The following ASPH variants were observed in gnomAD, a reference collection of about 807,000 sequenced individuals.
ASPH encodes the protein aspartyl/asparaginyl beta-hydroxylase.
ASPH carries 100 observed loss-of-function variants against 118.4 expected under a neutral mutation model. The observed-to-expected ratio is 0.84, with a 90% CI of 0.72 to 1.00. The LOEUF (loss-of-function observed/expected upper bound fraction) is 1.00, where lower values mean the gene tolerates loss of function less well. ASPH is among the 50% of genes least tolerant of loss of function. The pLI is 0.00. For missense variants in ASPH, 920 were observed against 919.5 expected, an observed-to-expected ratio of 1.00 and a Z score of -0.01; for synonymous variants, 315 against 325.6, an observed-to-expected ratio of 0.97 and a Z score of 0.35.
chr8:61,546,068 G>C (rs1257529041), intron 21 of ASPH, among the ~76,000 whole-genome samples: 4 of 152,202 alleles, frequency 2.6e-5, no homozygotes, highest in Non-Finnish European at 5.9e-5. Context: ...GGGTCTGCCA[G>C]GAGGTTTCCA....
At chr8:61,673,236 A>G (rs1823507088) in intron 3 of ASPH, among the ~76,000 whole-genome samples, 1 of 152,192 alleles carries the variant, frequency 6.6e-6, no homozygotes, top group African/African-American at 2.4e-5. Context: ...CAGGATCCCC[A>G]GGGCAGCAGG....
chr8:61,530,926 A>G (rs1451979725), intron 21 of ASPH, among the ~76,000 whole-genome samples: 1 of 152,228 alleles, frequency 6.6e-6, no homozygotes, highest in Non-Finnish European at 1.5e-5. Context: ...ATAGAAGGTT[A>G]ACAATTAAAC....
intron 24 of ASPH, among the ~76,000 whole-genome samples, chr8:61,509,890 G>T (rs185384568): frequency 6.6e-6 from 1 of 152,082 alleles, no homozygotes; most frequent in East Asian, 1.9e-4. Context: ...GCCCCTATCT[G>T]TACCATTCCT....
chr8:61,534,596 C>G (rs1818795725), intron 21 of ASPH, among the ~76,000 whole-genome samples: 1 of 152,206 alleles, frequency 6.6e-6, no homozygotes, highest in Non-Finnish European at 1.5e-5. Flanking sequence ...CCTTGCATCA[C>G]TTAGTTAGTA....
chr8:61,712,756 G>A (rs919722103), intron 1 of ASPH, among the ~76,000 whole-genome samples: 1 of 152,202 alleles, frequency 6.6e-6, no homozygotes, highest in African/African-American at 2.4e-5. Flanking sequence ...CCCAGTATTA[G>A]TTCTCACCAA....
In ASPH at chr8:61,682,514, A is replaced by G. The variant is rs771865073; in HGVS notation, c.254-1478T>C. 5 of 1,590,418 alleles carry G rather than the reference A, an allele frequency of 3.1e-6. No individual in the cohort carries two copies. The Admixed American group carries it at 8.4e-5, about 27-fold the overall frequency. ...TGCATGTAAAAACATGAAAACTGTT[A>G]TTTGTGCTTAAAGGTACAAATACTT... On this transcript the variant is annotated intron_variant, in intron 2 of 24. Transcript: ENST00000379454.
chr8:61,624,795 T>C, intron 13 of ASPH: 1 of 985,764 alleles, frequency 1.0e-6, no homozygotes, highest in South Asian at 4.7e-5. Flanking sequence ...CCTAAAAAAA[T>C]ATGGCTTTAT....
chr8:61,685,957 C>T (rs888435719), intron 1 of ASPH, among the ~76,000 whole-genome samples: 5 of 151,962 alleles, frequency 3.3e-5, no homozygotes, highest in Non-Finnish European at 5.9e-5. Context: ...TTAGTAGAGA[C>T]AGGGTTTCAC....
At position 61,646,738 on chromosome 8, in the gene ASPH, A is replaced by G. The variant is rs937920634; in HGVS notation, c.619+12T>C. On this transcript the variant is annotated intron_variant, in intron 6 of 24. Transcript: ENST00000379454. ...ATATTTTATCCTAAAACTTGAAAAA[A>G]AAGTGTTCTACCTTCATGAGATACT... 51 of 1,602,276 alleles carry G rather than the reference A, an allele frequency of 3.2e-5. No homozygotes were observed. The highest frequency in any genetic ancestry group is 1.7e-4 in the Middle Eastern group (1 of 5,988).
intron 18 of ASPH, among the ~76,000 whole-genome samples, chr8:61,560,013 C>T (rs1829254660): frequency 6.6e-6 from 1 of 152,066 alleles, no homozygotes; most frequent in South Asian, 2.1e-4. Flanking sequence ...GCTTTGGTTA[C>T]AAAGGGAAGG....
At chr8:61,714,007 C>T (rs1838727646) in intron 1 of ASPH, among the ~76,000 whole-genome samples, 1 of 152,264 alleles carries the variant, frequency 6.6e-6, no homozygotes, top group Admixed American at 6.5e-5. Context: ...TCGGCTGCGC[C>T]CTGCAGGTGA....
At chr8:61,613,337 C>A (rs2882460) in intron 14 of ASPH, among the ~76,000 whole-genome samples, 34,483 of 152,074 alleles carry the variant, frequency 0.23, 4,106 homozygotes, top group South Asian at 0.36. Flanking sequence ...CTCTGCTCTG[C>A]GGATTTTGGA....
rs1350896809 is a variant in ASPH, at chr8:61,578,367, C to A, written c.1063-1509G>T. 3 of 1,607,050 alleles carry A rather than the reference C, an allele frequency of 1.9e-6. No individual in the cohort carries two copies. The Admixed American group carries it at 5.0e-5, about 27-fold the overall frequency. On this transcript the variant is annotated intron_variant, in intron 15 of 24. Coordinates refer to ENST00000379454, the MANE Select transcript of ASPH (RefSeq NM_004318.4). The stretch of plus-strand genomic sequence containing the variant: ...GGGCAGCAGCAGCTTTCGGGGTGGC[C>A]TGGGAGGCGGCTATAGTGGGGCCAG...
chr8:61,692,226 C>G (rs1832810951), intron 1 of ASPH, among the ~76,000 whole-genome samples: 1 of 152,046 alleles, frequency 6.6e-6, no homozygotes. Context: ...AGGAGAAAAC[C>G]CTCTGAAATA....
intron 16 of ASPH, among the ~76,000 whole-genome samples, chr8:61,567,875 T>C (rs1028964290): frequency 1.3e-5 from 2 of 152,128 alleles, no homozygotes; most frequent in African/African-American, 2.4e-5. Context: ...GAGTGCTGGG[T>C]AGGAATGGTA....
intron 23 of ASPH, 101 bp downstream of exon 23, chr8:61,517,931 C>A: frequency 1.2e-5 from 15 of 1,244,086 alleles, no homozygotes; most frequent in Non-Finnish European, 1.7e-5. Flanking sequence ...TAAAAAGAGG[C>A]ATTCATTGGG....
chr8:61,586,781 T>A (rs1839589336), intron 14 of ASPH, among the ~76,000 whole-genome samples: 1 of 152,140 alleles, frequency 6.6e-6, no homozygotes, highest in African/African-American at 2.4e-5. Flanking sequence ...GTCTCCTACC[T>A]CTCCCTACAG....
At chr8:61,518,272 T>C (rs537248893) in intron 22 of ASPH, 149 bp from the exon 23 acceptor site, 5 of 647,570 alleles carry the variant, frequency 7.7e-6, no homozygotes, top group East Asian at 2.9e-5. Context: ...TGCAAAAGGC[T>C]TATTGGAAAT....
rs1210033814 is a variant in ASPH, at chr8:61,577,010, TATA to T, written c.1063-155_1063-153del. Reference sequence around the variant, plus strand: ...TTTTATCTAAGATTTTAAAAAAAGCTATATTAAGGCAAACAGAAAACTAGTAAT... The same window carrying T: ...TTTTATCTAAGATTTTAAAAAAAGCTTTAAGGCAAACAGAAAACTAGTAAT... On this transcript the variant is annotated intron_variant, in intron 15 of 24. Coordinates refer to ENST00000379454, the MANE Select transcript of ASPH (RefSeq NM_004318.4). 278 of 624,060 alleles carry T rather than the reference TATA, an allele frequency of 4.5e-4. 1 individual carries two copies. In the East Asian group the frequency reaches 8.0e-3, roughly 18 times the overall value. 38.7% of individuals were successfully genotyped at this position (624,060 alleles called of 1,614,324 possible).
Sources: allele counts gnomAD v4.1 joint callset (sites outside exome capture counted in the v4.1 genomes callset), GRCh38; gene constraint gnomAD v4.1.1; transcripts MANE v1.5; gene names NCBI Gene and HGNC (gene_info 2026-07-23, HGNC 2026-07-21).